INSR: variants seen among roughly 807,000 people sequenced by gnomAD.
INSR encodes the protein insulin receptor.
Under a neutral mutation model 142.6 loss-of-function variants are expected in INSR, and 67 were observed. That is an observed-to-expected ratio of 0.47 (90% confidence interval 0.39 to 0.58). The LOEUF is 0.58. Ranked by LOEUF, INSR falls within the 20% of genes least tolerant of loss-of-function variation. The probability of loss-of-function intolerance (pLI) is 0.00; values close to 1 mark genes in which losing one functional copy is unlikely to be tolerated. For missense variants in INSR, 1,248 were observed against 1,833.2 expected (o/e 0.68, Z 5.83); for synonymous variants, 756 against 743.1 (o/e 1.02, Z -0.28).
chr19:7,286,813 C>A (rs1968356083), intron 1 of INSR, among the ~76,000 whole-genome samples: 1 of 151,814 alleles, frequency 6.6e-6, no homozygotes. Flanking sequence ...TACCATGCAG[C>A]TGCAAAATAT....
intron 1 of INSR, among the ~76,000 whole-genome samples, chr19:7,286,219 G>A (rs1028068225): frequency 3.3e-5 from 5 of 152,002 alleles, no homozygotes; most frequent in African/African-American, 7.2e-5. Context: ...CTGGGCTCAA[G>A]AGATCCACCT....
chr19:7,242,311 GTGTACTATGGCTGT>G (rs539002035), intron 2 of INSR, among the ~76,000 whole-genome samples: 403 of 152,204 alleles, frequency 2.6e-3, no homozygotes, highest in Non-Finnish European at 4.3e-3. Context: ...TGAGGCTGTG[GTGTACTATGGCTGT>G]TTCTGAATAG....
chr19:7,212,273 CATCT>C (rs1975298563), intron 2 of INSR, among the ~76,000 whole-genome samples: 1 of 152,148 alleles, frequency 6.6e-6, no homozygotes, highest in Admixed American at 6.6e-5. Flanking sequence ...TAAGTTGGTC[CATCT>C]GTCTGTCTGT....
At chr19:7,214,203 G>A (rs181985938) in intron 2 of INSR, among the ~76,000 whole-genome samples, 22 of 152,288 alleles carry the variant, frequency 1.4e-4, no homozygotes, top group Admixed American at 3.9e-4. Flanking sequence ...GGTATGAGAA[G>A]AGACATTTTC....
intron 2 of INSR, among the ~76,000 whole-genome samples, chr19:7,255,134 C>T (rs1409099210): frequency 1.3e-5 from 2 of 152,006 alleles, no homozygotes; most frequent in Non-Finnish European, 2.9e-5. Flanking sequence ...AGCCAAGTGA[C>T]CACACGGTCA....
chr19:7,200,457 A>T (rs1215564107), intron 2 of INSR, among the ~76,000 whole-genome samples: 1 of 152,160 alleles, frequency 6.6e-6, no homozygotes, highest in Non-Finnish European at 1.5e-5. Context: ...TTGGAGGCTG[A>T]GGTGGGAGGA....
At chr19:7,178,976 T>C (rs1974209016) in intron 3 of INSR, among the ~76,000 whole-genome samples, 1 of 152,214 alleles carries the variant, frequency 6.6e-6, no homozygotes, top group African/African-American at 2.4e-5. Context: ...ACTGGCACAA[T>C]CTTAGCTCAC....
At chr19:7,198,214 C>G (rs1234043561) in intron 2 of INSR, among the ~76,000 whole-genome samples, 1 of 151,374 alleles carries the variant, frequency 6.6e-6, no homozygotes, top group African/African-American at 2.4e-5. Context: ...GCCGCAGCGC[C>G]GCCCTCGCGC....
At chr19:7,272,591 C>A (rs1464942858) in intron 1 of INSR, among the ~76,000 whole-genome samples, 3 of 152,094 alleles carry the variant, frequency 2.0e-5, no homozygotes, top group African/African-American at 7.2e-5. Context: ...GCACTCCAGC[C>A]TGGGTGACAG....
intron 2 of INSR, among the ~76,000 whole-genome samples, chr19:7,224,231 C>CACACCAG (rs1323884719): frequency 7.1e-6 from 1 of 140,222 alleles, no homozygotes; most frequent in Non-Finnish European, 1.5e-5. Context: ...AGTGAGCTAC[C>CACACCAG]ACACCAGGCC....
intron 2 of INSR, among the ~76,000 whole-genome samples, chr19:7,231,383 C>A (rs1975974020): frequency 6.7e-6 from 1 of 150,026 alleles, no homozygotes; most frequent in Non-Finnish European, 1.5e-5. Context: ...TCTCTGCAAC[C>A]TCCATCTCCC....
chr19:7,257,512 CCAAA>C lies in INSR; in HGVS notation c.652+9829_652+9832del, dbSNP rs1287517397. Among the ~76,000 whole-genome samples, 31 of 144,182 alleles carry C rather than the reference CCAAA, an allele frequency of 2.2e-4. 1 individual carries two copies. The highest frequency in any genetic ancestry group is 1.3e-3 in the Admixed American group (19 of 14,286). The allele number at this position is 144,182 out of a possible 152,430, so 94.6% of individuals were successfully genotyped here. On this transcript the variant is annotated intron_variant, in intron 2 of 21. Transcript: ENST00000302850. The stretch of plus-strand genomic sequence containing the variant: ...TTGTACATATACTGCCCTCCTCCAC[CCAAA>C]CAGAGAGCTCCAAAAAAAAAAAAAA...
rs745477536 is a variant in INSR at position 7,184,643 on chromosome 19, G to C, written c.653-6C>G. ...CTTACAGATGGTCGGGCAAACTGGA[G>C]AGAGAGAGAGAGAGAGAGGGAAATA... is the stretch of plus-strand genomic sequence containing the variant. On this transcript the variant is annotated splice_polypyrimidine_tract_variant and splice_region_variant and intron_variant, in intron 2 of 21. Coordinates refer to ENST00000302850, the MANE Select transcript of INSR (RefSeq NM_000208.4). The C allele has an allele frequency of 3.7e-5, 48 of 1,298,328 alleles. No individual in the cohort carries two copies. The highest frequency in any genetic ancestry group is 4.8e-5 in the Non-Finnish European group (46 of 950,388). 80.4% of individuals were successfully genotyped at this position (1,298,328 alleles called of 1,614,324 possible).
intron 2 of INSR, among the ~76,000 whole-genome samples, chr19:7,190,131 G>C (rs962307228): frequency 1.1e-4 from 16 of 151,854 alleles, no homozygotes; most frequent in Admixed American, 5.9e-4. Flanking sequence ...AGGATTGCTT[G>C]AGCCCAGGCA....
chr19:7,230,173 A>C (rs985227485), intron 2 of INSR, among the ~76,000 whole-genome samples: 2 of 152,138 alleles, frequency 1.3e-5, no homozygotes, highest in African/African-American at 4.8e-5. Flanking sequence ...GACAGAAGGC[A>C]CAGGTCAATG....
rs1972531072 is a variant in INSR at position 7,122,964 on chromosome 19, T to C, written c.3284A>G (p.Lys1095Arg). The change falls in exon 18 of 22, where the codon AAG (lysine) becomes AGG (arginine). Residue 1095 changes from lysine to arginine, a missense_variant. Coordinates refer to ENST00000302850, the MANE Select transcript of INSR (RefSeq NM_000208.4). ...HVVRLLGVVS[K>R]GQPTLVVMEL... is the part of the protein sequence containing the mutation. ...CATCACCACCAGCGTGGGCTGGCCC[T>C]TGGACACCACTCCCAGGAGGCGCAC... 1.9e-6 allele frequency: 3 copies of C among 1,606,308 alleles called. No individual in the cohort carries two copies. Among genetic ancestry groups the C allele is most frequent in the Non-Finnish European group, 2.5e-6 (3 of 1,177,534 alleles).
In INSR at chr19:7,174,529, C is replaced by T; in HGVS notation, c.1123+54G>A. The T allele has an allele frequency of 1.9e-6, 3 of 1,605,380 alleles. No homozygotes were observed. The South Asian group carries it at 3.3e-5, about 18-fold the overall frequency. On this transcript the variant is annotated intron_variant, in intron 4 of 21. Transcript: ENST00000302850. ...CTGCTTTTCTTCCCCGCTCACAGCT[C>T]AGAGGGACATGGAGCCCAACAGGCA...
intron 1 of INSR, among the ~76,000 whole-genome samples, chr19:7,279,909 G>A (rs6510978): frequency 0.56 from 84,679 of 151,192 alleles, 24,441 homozygotes; most frequent in African/African-American, 0.7. Flanking sequence ...TGGAGATTGC[G>A]GAGGCCTGAC....
At chr19:7,143,749 A>G (rs927427503) in intron 11 of INSR, among the ~76,000 whole-genome samples, 7 of 152,210 alleles carry the variant, frequency 4.6e-5, no homozygotes, top group Admixed American at 6.5e-5. Flanking sequence ...AATACAAAGA[A>G]AAAAGGATAA....
Sources: gnomAD v4.1 joint callset for allele counts (sites outside exome capture counted in the v4.1 genomes callset) on GRCh38, gnomAD v4.1.1 for gene constraint, MANE v1.5 for transcripts, NCBI Gene and HGNC (gene_info 2026-07-23, HGNC 2026-07-21) for gene names.